TADA2A: variants seen among roughly 807,000 people sequenced by gnomAD.
The protein encoded by TADA2A is transcriptional adapter 2-alpha.
TADA2A carries 38 observed loss-of-function variants against 67.4 expected under a neutral mutation model. The ratio of observed to expected loss-of-function variants is 0.56; its 90% CI spans 0.44 to 0.74. The LOEUF is 0.74. TADA2A is among the 30% of genes least tolerant of loss of function. TADA2A has a pLI of 0.00. For synonymous variants in TADA2A, 192 were observed against 181.6 expected (o/e 1.06, Z -0.46); for missense variants, 454 against 547.0 (o/e 0.83, Z 1.70).
intron 9 of TADA2A, among the ~76,000 whole-genome samples, chr17:37,461,165 C>T (rs2053538550): frequency 6.6e-6 from 1 of 151,962 alleles, no homozygotes; most frequent in Admixed American, 6.6e-5. Context: ...TGGTTAGATT[C>T]TCATAAGGAG....
chr17:37,445,513 G>A (rs1168651052), intron 8 of TADA2A, among the ~76,000 whole-genome samples: 2 of 152,254 alleles, frequency 1.3e-5, no homozygotes, highest in Middle Eastern at 3.4e-3. Context: ...TGATCTGCCC[G>A]CCTCAGCTTC....
At chr17:37,466,586 C>A (rs1386428598) in intron 11 of TADA2A, among the ~76,000 whole-genome samples, 3 of 152,146 alleles carry the variant, frequency 2.0e-5, no homozygotes, top group African/African-American at 7.2e-5. Context: ...ATATTTCTTA[C>A]ATAGCATTGC....
At chr17:37,424,090 C>G (rs1383048664) in intron 3 of TADA2A, among the ~76,000 whole-genome samples, 1 of 151,798 alleles carries the variant, frequency 6.6e-6, no homozygotes, top group African/African-American at 2.4e-5. Flanking sequence ...AGTTGAGAAA[C>G]AGAGCAGTTA....
At chr17:37,443,674 T>A (rs2052989360) in intron 7 of TADA2A, among the ~76,000 whole-genome samples, 1 of 152,180 alleles carries the variant, frequency 6.6e-6, no homozygotes, top group Admixed American at 6.6e-5. Context: ...GCTATAAAGT[T>A]TCTATTGTAA....
intron 2 of TADA2A, among the ~76,000 whole-genome samples, chr17:37,413,518 T>A (rs1235050358): frequency 2.0e-5 from 3 of 151,938 alleles, no homozygotes; most frequent in Non-Finnish European, 2.9e-5. Flanking sequence ...TGTCTCTGTG[T>A]GTGTGTATAT....
intron 9 of TADA2A, among the ~76,000 whole-genome samples, chr17:37,459,630 T>C (rs1481080594): frequency 6.6e-6 from 1 of 150,658 alleles, no homozygotes; most frequent in Non-Finnish European, 1.5e-5. Context: ...ACTTACTCTG[T>C]CACCCAGGCT....
chr17:37,424,793 T>C (rs1244422110), intron 3 of TADA2A, among the ~76,000 whole-genome samples: 1 of 152,172 alleles, frequency 6.6e-6, no homozygotes, highest in East Asian at 1.9e-4. Context: ...AGACCTCAGG[T>C]GATCTGCCTG....
chr17:37,463,278 T>C (rs969210996), intron 10 of TADA2A, among the ~76,000 whole-genome samples: 18 of 152,164 alleles, frequency 1.2e-4, no homozygotes. Flanking sequence ...GTAATAGTTG[T>C]GTGTCATAAT....
Position 37,427,083 on chromosome 17 carries a change from A to G in TADA2A, c.192+74A>G, listed in dbSNP as rs1460903446. On this transcript the variant is annotated intron_variant, in intron 4 of 15. Coordinates refer to ENST00000615182, the MANE Select transcript of TADA2A (RefSeq NM_001166105.3). The stretch of plus-strand genomic sequence containing the variant: ...GACTGGGAAGTAGTTTTTCTTTTCC[A>G]TTTTTCTTTAAGCTCTCTTGGACTT... 3.7e-6 allele frequency: 5 copies of G among 1,336,988 alleles called. No homozygotes were observed. In the African/African-American group the frequency reaches 4.5e-5, roughly 12 times the overall value. 82.8% of individuals were successfully genotyped at this position (1,336,988 alleles called of 1,614,324 possible).
chr17:37,417,011 A>T (rs1214590021), intron 2 of TADA2A, among the ~76,000 whole-genome samples: 2 of 152,170 alleles, frequency 1.3e-5, no homozygotes, highest in Non-Finnish European at 2.9e-5. Context: ...TCAAAAACCT[A>T]AAAATGCTCA....
intron 4 of TADA2A, among the ~76,000 whole-genome samples, chr17:37,429,544 A>T (rs1035161469): frequency 1.3e-5 from 2 of 152,062 alleles, no homozygotes; most frequent in African/African-American, 4.8e-5. Context: ...GGCCTCCCAA[A>T]GTGCTGGAAT....
At chr17:37,442,159 T>G (rs2052938255) in intron 6 of TADA2A, among the ~76,000 whole-genome samples, 1 of 151,850 alleles carries the variant, frequency 6.6e-6, no homozygotes, top group South Asian at 2.1e-4. Context: ...GGACTTAATT[T>G]CAGCTAACTT....
At chr17:37,475,717 C>G (rs892244061) in intron 15 of TADA2A, among the ~76,000 whole-genome samples, 12 of 152,292 alleles carry the variant, frequency 7.9e-5, no homozygotes, top group Admixed American at 7.8e-4. Flanking sequence ...CCACTCACAC[C>G]AGCTCCAAAA....
At chr17:37,456,982 AG>A (rs1419312837) in intron 8 of TADA2A, among the ~76,000 whole-genome samples, 1 of 152,164 alleles carries the variant, frequency 6.6e-6, no homozygotes, top group Non-Finnish European at 1.5e-5. Context: ...GAAACCAAGC[AG>A]GGCTTTTACA....
At chr17:37,413,548 ATTTTT>A (rs60652406) in intron 2 of TADA2A, among the ~76,000 whole-genome samples, 1 of 151,006 alleles carries the variant, frequency 6.6e-6, no homozygotes, top group Non-Finnish European at 1.5e-5. Flanking sequence ...TTATTTTTTA[ATTTTT>A]TTTATTTTTA....
chr17:37,450,804 C>A (rs2053211149), intron 8 of TADA2A, among the ~76,000 whole-genome samples: 1 of 152,196 alleles, frequency 6.6e-6, no homozygotes, highest in South Asian at 2.1e-4. Flanking sequence ...GTGCTGTTGT[C>A]CTCCCTAGGT....
At chr17:37,467,547 AC>A in intron 12 of TADA2A, 22 bp downstream of exon 12, 2 of 1,593,696 alleles carry the variant, frequency 1.3e-6, no homozygotes, top group South Asian at 2.2e-5. Context: ...TCAGCTACAT[AC>A]CGTACTTGAG....
At position 37,471,186 on chromosome 17, in the gene TADA2A, G is replaced by A. The variant is rs1344677332; in HGVS notation, c.1072+49G>A. On this transcript the variant is annotated intron_variant, in intron 14 of 15. Coordinates refer to ENST00000615182, the MANE Select transcript of TADA2A (RefSeq NM_001166105.3). The stretch of plus-strand genomic sequence containing the variant: ...AAGTCTTAATTGTGAAGTTTGCATC[G>A]TAGGGGTTATAGTGACCCAGCAATC... 19 of 1,590,216 alleles carry A rather than the reference G, an allele frequency of 1.2e-5. 1 individual carries two copies. Among genetic ancestry groups the A allele is most frequent in the South Asian group, 8.9e-5 (8 of 89,534 alleles).
At chr17:37,476,354 A>G (rs1050338426) in intron 15 of TADA2A, among the ~76,000 whole-genome samples, 6 of 152,208 alleles carry the variant, frequency 3.9e-5, no homozygotes, top group African/African-American at 1.4e-4. Flanking sequence ...CTACTGCTTT[A>G]TGCTGACACT....
Sources: allele counts gnomAD v4.1 joint callset (sites outside exome capture counted in the v4.1 genomes callset), GRCh38; gene constraint gnomAD v4.1.1; transcripts MANE v1.5; gene names NCBI Gene and HGNC (gene_info 2026-07-23, HGNC 2026-07-21).